The following TMEM132C variants were observed in gnomAD, a reference collection of about 807,000 sequenced individuals.
TMEM132C encodes the protein protein phosphatase 1, regulatory subunit 152.
Under a neutral mutation model 61.4 loss-of-function variants are expected in TMEM132C, and 29 were observed. The observed-to-expected ratio is 0.47, with a 90% confidence interval of 0.35 to 0.64. The LOEUF is 0.64. Ranked by LOEUF, TMEM132C falls within the 30% of genes least tolerant of loss-of-function variation. The pLI is 0.00. For missense variants in TMEM132C, 1,408 were observed against 1,476.9 expected (o/e 0.95, Z 0.76); for synonymous variants, 656 against 633.1 (o/e 1.04, Z -0.54).
chr12:128,309,702 T>C (rs1871906905), intron 1 of TMEM132C, among the ~76,000 whole-genome samples: 1 of 152,102 alleles, frequency 6.6e-6, no homozygotes, highest in Non-Finnish European at 1.5e-5. Flanking sequence ...CTGTAAAATA[T>C]ATCAGCTCTT....
At chr12:128,398,778 C>T (rs1875049234) in intron 1 of TMEM132C, among the ~76,000 whole-genome samples, 1 of 152,160 alleles carries the variant, frequency 6.6e-6, no homozygotes, top group Admixed American at 6.5e-5. Flanking sequence ...TATGCAGCAC[C>T]CGGACCAACA....
chr12:128,464,989 G>C (rs564533996), intron 2 of TMEM132C, among the ~76,000 whole-genome samples: 1 of 152,112 alleles, frequency 6.6e-6, no homozygotes, highest in East Asian at 1.9e-4. Flanking sequence ...GGGGAGAGAA[G>C]GAGGAGAGTA....
chr12:128,498,911 T>C (rs910315043), intron 2 of TMEM132C, among the ~76,000 whole-genome samples: 4 of 152,168 alleles, frequency 2.6e-5, no homozygotes, highest in East Asian at 1.9e-4. Flanking sequence ...GGTTTTGCAA[T>C]TGGCAAACTT....
chr12:128,589,867 G>A lies in TMEM132C; in HGVS notation c.1122-26285G>A, dbSNP rs79390044. On this transcript the variant is annotated intron_variant, in intron 3 of 8. Transcript: ENST00000435159. The stretch of plus-strand genomic sequence containing the variant: ...TGGGAATAAAGCGTACTTACCTCCC[G>A]GGGTTATTATGAGTACTAAATGGTC... Among the ~76,000 whole-genome samples, 155 of 152,210 alleles carry A rather than the reference G, an allele frequency of 1.0e-3. 1 individual carries two copies. Among genetic ancestry groups the A allele is most frequent in the African/African-American group, 3.7e-3 (153 of 41,524 alleles).
chr12:128,576,031 G>A (rs1483944422), intron 3 of TMEM132C, among the ~76,000 whole-genome samples: 1 of 152,180 alleles, frequency 6.6e-6, no homozygotes, highest in Non-Finnish European at 1.5e-5. Flanking sequence ...GAAGCGAGTG[G>A]CTCACCTGAG....
At chr12:128,657,802 A>G (rs77023518) in intron 4 of TMEM132C, among the ~76,000 whole-genome samples, 5,742 of 152,312 alleles carry the variant, frequency 0.038, 230 homozygotes, top group African/African-American at 0.1. Context: ...AACTTGGTGA[A>G]TCAGGACATT....
chr12:128,291,185 C>T (rs1048167901), intron 1 of TMEM132C, among the ~76,000 whole-genome samples: 1 of 152,208 alleles, frequency 6.6e-6, no homozygotes, highest in Non-Finnish European at 1.5e-5. Context: ...CCCAGAATTC[C>T]CCTGCAAGTA....
chr12:128,664,809 T>C (rs943278121), intron 4 of TMEM132C, among the ~76,000 whole-genome samples: 3 of 151,068 alleles, frequency 2.0e-5, no homozygotes, highest in Non-Finnish European at 4.4e-5. Context: ...CCCGCGGGGG[T>C]TTAGGTGGGT....
At chr12:128,557,614 A>G (rs952989942) in intron 3 of TMEM132C, among the ~76,000 whole-genome samples, 20 of 152,128 alleles carry the variant, frequency 1.3e-4, no homozygotes, top group Non-Finnish European at 2.4e-4. Context: ...TTGGGACTAG[A>G]TTTCTAATAT....
intron 1 of TMEM132C, among the ~76,000 whole-genome samples, chr12:128,378,054 A>G (rs1286557046): frequency 6.6e-6 from 1 of 152,034 alleles, no homozygotes; most frequent in African/African-American, 2.4e-5. Flanking sequence ...CCAGCGTGTT[A>G]GGGTTGTTAC....
In TMEM132C at chr12:128,570,570, A is replaced by G. The variant is rs1436376301; in HGVS notation, c.1121+26467A>G. On this transcript the variant is annotated intron_variant, in intron 3 of 8. Transcript: ENST00000435159. The surrounding 1 kb of genome is among the most constrained non-coding windows in gnomAD (Gnocchi z 4.7). ...GCTTTTTTTTTTCCTTTGACTCAGC[A>G]TGAAGTTCAGAGGCTAGGGTTAGGC... Among the ~76,000 whole-genome samples the G allele has an allele frequency of 6.6e-6, 1 of 151,724 alleles. No individual in the cohort carries two copies. The highest frequency in any genetic ancestry group is 1.5e-5 in the Non-Finnish European group (1 of 67,954).
intron 3 of TMEM132C, among the ~76,000 whole-genome samples, chr12:128,607,937 C>T (rs954097802): frequency 6.6e-6 from 1 of 152,142 alleles, no homozygotes; most frequent in Non-Finnish European, 1.5e-5. Context: ...CACGCTCTCC[C>T]ATATGCTGCA....
At chr12:128,657,308 A>G (rs78473236) in intron 4 of TMEM132C, among the ~76,000 whole-genome samples, 2,146 of 152,280 alleles carry the variant, frequency 0.014, 50 homozygotes, top group African/African-American at 0.048. Flanking sequence ...AGCCACAGAG[A>G]GGGAAAACGT....
intron 3 of TMEM132C, among the ~76,000 whole-genome samples, chr12:128,608,775 T>C (rs1218108840): frequency 6.6e-6 from 1 of 152,174 alleles, no homozygotes; most frequent in Non-Finnish European, 1.5e-5. Flanking sequence ...AGTTTTTCTT[T>C]TAATTTCCCC....
intron 5 of TMEM132C, among the ~76,000 whole-genome samples, chr12:128,689,889 C>T (rs1207054358): frequency 1.3e-5 from 2 of 152,222 alleles, no homozygotes; most frequent in African/African-American, 2.4e-5. Context: ...TCTATGCCAA[C>T]AGGCCCTCCC....
chr12:128,427,912 T>A (rs1565933178), intron 2 of TMEM132C, among the ~76,000 whole-genome samples: 1 of 152,226 alleles, frequency 6.6e-6, no homozygotes, highest in African/African-American at 2.4e-5. Flanking sequence ...CAGAGGGACC[T>A]TTAAAAGCAG....
chr12:128,367,526 G>A (rs1454265104), intron 1 of TMEM132C, among the ~76,000 whole-genome samples: 1 of 152,182 alleles, frequency 6.6e-6, no homozygotes, highest in African/African-American at 2.4e-5. Flanking sequence ...TTGGGTTAAT[G>A]ATTCCCTGGC....
intron 3 of TMEM132C, among the ~76,000 whole-genome samples, chr12:128,563,981 A>G (rs1297391676): frequency 6.6e-6 from 1 of 152,224 alleles, no homozygotes; most frequent in Non-Finnish European, 1.5e-5. Context: ...AACACTAGGC[A>G]TAAATGGCTA....
rs192407029 is a variant in TMEM132C, at chr12:128,377,399, C to T, written c.86-37333C>T. Among the ~76,000 whole-genome samples, 6 of 152,258 alleles carry T rather than the reference C, an allele frequency of 3.9e-5. No individual in the cohort carries two copies. The East Asian group carries it at 9.7e-4, about 25-fold the overall frequency. ...ACTTTTGACTCTGTTTTTGCCTCAG[C>T]GGGCTCACTACAGAACCTGCCTACC... On this transcript the variant is annotated intron_variant, in intron 1 of 8. Transcript: ENST00000435159.
Sources: allele counts gnomAD v4.1 joint callset (sites outside exome capture counted in the v4.1 genomes callset), GRCh38; gene constraint gnomAD v4.1.1; non-coding constraint Gnocchi (gnomAD v3.1); transcripts MANE v1.5; gene names NCBI Gene and HGNC (gene_info 2026-07-23, HGNC 2026-07-21).